Variants in FSTL5 observed in about 807,000 individuals in gnomAD.
The protein encoded by FSTL5 is follistatin like 5.
In FSTL5, 62 loss-of-function variants were observed where a neutral mutation model predicts 89.1. That is an observed-to-expected ratio of 0.70 (90% confidence interval 0.57 to 0.86). The LOEUF is 0.86. Among genes scored for constraint, FSTL5 ranks in the 40% least tolerant of loss-of-function variants. FSTL5 has a pLI of 0.00. For synonymous variants in FSTL5, 383 were observed against 346.2 expected (o/e 1.11, Z -1.18); for missense variants, 1,057 against 1,001.6 (o/e 1.06, Z -0.75).
intron 15 of FSTL5, among the ~76,000 whole-genome samples, chr4:161,397,388 T>C (rs1362706413): frequency 6.6e-6 from 1 of 151,888 alleles, no homozygotes; most frequent in East Asian, 1.9e-4. Flanking sequence ...ACATATCATA[T>C]GTATAAAATT....
At chr4:161,977,639 A>AAAAAAAAAAAAAAAT (rs1553988132) in intron 3 of FSTL5, among the ~76,000 whole-genome samples, 15 of 101,212 alleles carry the variant, frequency 1.5e-4, no homozygotes, top group Non-Finnish European at 2.5e-4. Flanking sequence ...AAAAAAAAAA[A>AAAAAAAAAAAAAAAT]AATAATAATA....
chr4:161,557,603 A>G (rs1185425568), intron 8 of FSTL5, among the ~76,000 whole-genome samples: 1 of 151,814 alleles, frequency 6.6e-6, no homozygotes, highest in East Asian at 1.9e-4. Flanking sequence ...AAGCTAATCT[A>G]AAGAAATTAA....
At chr4:161,951,126 C>T (rs752554027) in intron 3 of FSTL5, among the ~76,000 whole-genome samples, 1 of 151,990 alleles carries the variant, frequency 6.6e-6, no homozygotes, top group Non-Finnish European at 1.5e-5. Flanking sequence ...TGCACATGCT[C>T]TCTTGCCTGC....
At chr4:162,137,311 A>G (rs974575651) in intron 1 of FSTL5, among the ~76,000 whole-genome samples, 2 of 152,118 alleles carry the variant, frequency 1.3e-5, no homozygotes, top group Non-Finnish European at 2.9e-5. Context: ...AGCAAAGTTC[A>G]CATATTAAAA....
intron 10 of FSTL5, among the ~76,000 whole-genome samples, chr4:161,513,363 G>T (rs1198221012): frequency 6.6e-6 from 1 of 151,226 alleles, no homozygotes; most frequent in Non-Finnish European, 1.5e-5. Flanking sequence ...TGGGTGGAGG[G>T]GAGTAGGGAG....
At chr4:161,386,630 T>A in intron 15 of FSTL5, 181 bp from the exon 16 acceptor site, 1 of 564,222 alleles carries the variant, frequency 1.8e-6, no homozygotes, top group Admixed American at 3.4e-5. Flanking sequence ...TTTCTCTAGG[T>A]CATTCTTTCA....
chr4:161,436,113 T>C (rs1410615530), intron 15 of FSTL5, among the ~76,000 whole-genome samples: 2 of 152,078 alleles, frequency 1.3e-5, no homozygotes, highest in East Asian at 1.9e-4. Context: ...CTTATCCTTT[T>C]AAAGGAGGCC....
chr4:161,883,494 T>C (rs899717876), intron 4 of FSTL5, among the ~76,000 whole-genome samples: 1 of 152,152 alleles, frequency 6.6e-6, no homozygotes, highest in Non-Finnish European at 1.5e-5. Context: ...TAATTTAAAA[T>C]TCAAATATAA....
chr4:162,038,422 C>T (rs1181850108), intron 2 of FSTL5, among the ~76,000 whole-genome samples: 1 of 151,784 alleles, frequency 6.6e-6, no homozygotes, highest in African/African-American at 2.4e-5. Flanking sequence ...CAAGAGTCAA[C>T]AATATGGTAT....
chr4:161,548,296 C>A (rs185370377), intron 8 of FSTL5, among the ~76,000 whole-genome samples: 9 of 151,826 alleles, frequency 5.9e-5, no homozygotes, highest in East Asian at 5.9e-4. Flanking sequence ...CACAGATGGA[C>A]AACATATGTC....
At chr4:161,618,229 A>T (rs1411683304) in intron 7 of FSTL5, among the ~76,000 whole-genome samples, 1 of 138,390 alleles carries the variant, frequency 7.2e-6, no homozygotes, top group Non-Finnish European at 1.5e-5. Flanking sequence ...TTGGGCTGAG[A>T]CAATGGGGTT....
At chr4:162,096,450 A>G (rs1195434426) in intron 2 of FSTL5, among the ~76,000 whole-genome samples, 3 of 151,716 alleles carry the variant, frequency 2.0e-5, no homozygotes, top group Admixed American at 2.0e-4. Context: ...CTTTAAGTGA[A>G]ATGGGAGTAG....
intron 6 of FSTL5, among the ~76,000 whole-genome samples, chr4:161,662,931 A>G (rs1736766851): frequency 6.6e-6 from 1 of 152,186 alleles, no homozygotes; most frequent in Non-Finnish European, 1.5e-5. Context: ...GAATCACGGC[A>G]GGAGGTGAAA....
At chr4:161,696,632 T>G (rs1306075145) in intron 6 of FSTL5, among the ~76,000 whole-genome samples, 1 of 152,182 alleles carries the variant, frequency 6.6e-6, no homozygotes, top group African/African-American at 2.4e-5. Context: ...CTCTCAGCAG[T>G]GTTTTATAGT....
intron 4 of FSTL5, among the ~76,000 whole-genome samples, chr4:161,884,446 C>T (rs2126914350): frequency 6.6e-6 from 1 of 152,256 alleles, no homozygotes; most frequent in East Asian, 1.9e-4. Context: ...TAACAAAGGT[C>T]TTCCTCCCTA....
rs917764941 is a variant in FSTL5, at chr4:161,384,920, T to A, written c.*827A>T. ...TAATCTATTCTGCTAGTAATAAACATCTGTAGGCAGTTGACATCCCAGACA... is the reference window on the plus strand; with the variant it reads ...TAATCTATTCTGCTAGTAATAAACAACTGTAGGCAGTTGACATCCCAGACA... On this transcript the variant is annotated 3_prime_UTR_variant, in exon 16 of 16. Coordinates refer to ENST00000306100, the MANE Select transcript of FSTL5 (RefSeq NM_020116.5). The A allele has an allele frequency of 4.6e-5, 7 of 152,190 alleles. No homozygotes were observed. The highest frequency in any genetic ancestry group is 1.7e-4 in the African/African-American group (7 of 41,464). The allele number at this position is 152,190 out of a possible 1,614,324, so 9.4% of individuals were successfully genotyped here. A position where few individuals can be genotyped will look rare whatever the true frequency, so the allele number is the denominator to read the frequency against.
At chr4:161,457,123 C>A (rs13129260) in intron 14 of FSTL5, among the ~76,000 whole-genome samples, 20,169 of 152,172 alleles carry the variant, frequency 0.13, 1,603 homozygotes, top group Non-Finnish European at 0.19. Flanking sequence ...TGAGAAATGG[C>A]CTATTCTCTG....
At chr4:162,075,133 C>T (rs566086399) in intron 2 of FSTL5, among the ~76,000 whole-genome samples, 123 of 151,858 alleles carry the variant, frequency 8.1e-4, no homozygotes, top group African/African-American at 2.8e-3. Flanking sequence ...ACTGCTGAAG[C>T]CCCATGAAGA....
intron 3 of FSTL5, among the ~76,000 whole-genome samples, chr4:162,032,940 A>T (rs1240491087): frequency 6.6e-6 from 1 of 152,154 alleles, no homozygotes; most frequent in Non-Finnish European, 1.5e-5. Flanking sequence ...GAAGCCCAAA[A>T]TGTAGACTAA....
Sources: gnomAD v4.1 joint callset for allele counts (sites outside exome capture counted in the v4.1 genomes callset) on GRCh38, gnomAD v4.1.1 for gene constraint, MANE v1.5 for transcripts, NCBI Gene and HGNC (gene_info 2026-07-23, HGNC 2026-07-21) for gene names.